SND1: variants seen among roughly 807,000 people sequenced by gnomAD.
The protein encoded by SND1 is staphylococcal nuclease and tudor domain containing 1.
In SND1, 38 loss-of-function variants were observed where a neutral mutation model predicts 121.7. The observed-to-expected ratio is 0.31, with a 90% CI of 0.24 to 0.41. The LOEUF (loss-of-function observed/expected upper bound fraction) is 0.41. SND1 is among the 10% of genes least tolerant of loss of function. SND1 has a pLI of 1.00. For synonymous variants in SND1, 401 were observed against 447.4 expected, an observed-to-expected ratio of 0.90 and a Z score of 1.31; for missense variants, 868 against 1,184.6, an observed-to-expected ratio of 0.73 and a Z score of 3.92.
chr7:127,963,551 A>G (rs1445222611), intron 15 of SND1, among the ~76,000 whole-genome samples: 6 of 67,734 alleles, frequency 8.9e-5, no homozygotes, highest in Non-Finnish European at 1.4e-4. Context: ...ATGGTTTCCA[A>G]TTTCATCCAT....
rs76698990 is a variant in SND1, at chr7:127,657,211, C to A, written c.78+4760C>A. ...AGAATTTAAAAAGTAGATCAAATTT[C>A]TATCCTTATGGCTTATGGAGGAGTC... is the stretch of plus-strand genomic sequence containing the variant. On this transcript the variant is annotated intron_variant, in intron 1 of 23. Transcript: ENST00000354725. Among the ~76,000 whole-genome samples the A allele has an allele frequency of 5.9e-3, 892 of 152,328 alleles. 15 individuals are homozygous for A. Among genetic ancestry groups the A allele is most frequent in the African/African-American group, 0.02 (849 of 41,560 alleles).
chr7:127,793,686 CTG>C (rs1355158305), intron 10 of SND1, among the ~76,000 whole-genome samples: 1 of 152,134 alleles, frequency 6.6e-6, no homozygotes, highest in African/African-American at 2.4e-5. Flanking sequence ...GGATATAAAA[CTG>C]TGTTCTCACA....
chr7:127,898,626 T>A (rs1411990990), intron 13 of SND1, among the ~76,000 whole-genome samples: 1 of 152,168 alleles, frequency 6.6e-6, no homozygotes, highest in Non-Finnish European at 1.5e-5. Context: ...GTTTACCAAG[T>A]TTTTTACTCT....
intron 12 of SND1, among the ~76,000 whole-genome samples, chr7:127,846,046 G>A (rs1584614049): frequency 6.6e-6 from 1 of 152,146 alleles, no homozygotes; most frequent in Non-Finnish European, 1.5e-5. Flanking sequence ...CTGCAAATGT[G>A]GGGTAGCTGT....
chr7:127,964,687 G>A (rs922199328), intron 15 of SND1, among the ~76,000 whole-genome samples: 20 of 150,820 alleles, frequency 1.3e-4, no homozygotes, highest in Non-Finnish European at 2.2e-4. Flanking sequence ...GTCAGGTAGC[G>A]TGATGCCTCC....
chr7:128,012,165 T>C (rs1161342490), intron 16 of SND1, among the ~76,000 whole-genome samples: 1 of 152,148 alleles, frequency 6.6e-6, no homozygotes, highest in African/African-American at 2.4e-5. Flanking sequence ...AAGCCTGATT[T>C]TTCTGGATAA....
At chr7:127,979,400 TC>T (rs1334235662) in intron 15 of SND1, among the ~76,000 whole-genome samples, 2 of 152,198 alleles carry the variant, frequency 1.3e-5, no homozygotes, top group East Asian at 3.9e-4. Flanking sequence ...CTGTGTCGTT[TC>T]CCTATCGGCT....
chr7:127,764,037 G>A lies in SND1; in HGVS notation c.1152+42637G>A, dbSNP rs202031711. On this transcript the variant is annotated intron_variant, in intron 10 of 23. Transcript: ENST00000354725. The stretch of plus-strand genomic sequence containing the variant: ...TGGGGTGACAGAGCAAGACCCTGTC[G>A]CAAAAAAAAAAAAAACAAAAAAACA... Among the ~76,000 whole-genome samples, 108 of 40,196 alleles carry A rather than the reference G, an allele frequency of 2.7e-3. 2 individuals carry two copies. In the East Asian group the frequency reaches 0.028, roughly 10 times the overall value. The allele number at this position is 40,196 out of a possible 152,430, so 26.4% of individuals were successfully genotyped here.
At chr7:128,023,513 C>T (rs1159629611) in intron 16 of SND1, among the ~76,000 whole-genome samples, 1 of 152,212 alleles carries the variant, frequency 6.6e-6, no homozygotes, top group Non-Finnish European at 1.5e-5. Context: ...TGGCTCACCA[C>T]AAGGAAAGGT....
At chr7:128,030,925 G>A in intron 16 of SND1, 1 of 331,940 alleles carries the variant, frequency 3.0e-6, no homozygotes, top group Non-Finnish European at 5.6e-6. Flanking sequence ...CGGAAGGAAG[G>A]CAGGAAAGCA....
At chr7:127,971,270 A>G (rs960187976) in intron 15 of SND1, among the ~76,000 whole-genome samples, 2 of 152,244 alleles carry the variant, frequency 1.3e-5, no homozygotes, top group Non-Finnish European at 2.9e-5. Context: ...AATGCCAGAT[A>G]GATGAAGAAA....
At chr7:127,863,613 C>T (rs1799417611) in intron 12 of SND1, among the ~76,000 whole-genome samples, 1 of 152,114 alleles carries the variant, frequency 6.6e-6, no homozygotes, top group Non-Finnish European at 1.5e-5. Flanking sequence ...CTTTTTTTTA[C>T]ACAGATACAG....
chr7:127,703,389 G>A, intron 7 of SND1, 66 bp downstream of exon 7: 4 of 1,549,420 alleles, frequency 2.6e-6, no homozygotes, highest in Non-Finnish European at 8.8e-7. Flanking sequence ...GAAGAATAGG[G>A]GTTTGCTTCT....
At chr7:127,837,792 T>C (rs1047535445) in intron 11 of SND1, among the ~76,000 whole-genome samples, 1 of 152,234 alleles carries the variant, frequency 6.6e-6, no homozygotes, top group African/African-American at 2.4e-5. Flanking sequence ...ATTATGTAAA[T>C]ATTAAGGAGC....
chr7:127,784,929 T>C (rs1797784893), intron 10 of SND1, among the ~76,000 whole-genome samples: 1 of 152,210 alleles, frequency 6.6e-6, no homozygotes, highest in African/African-American at 2.4e-5. Context: ...TGTTTTGTTT[T>C]GTTTTTTGAG....
At chr7:127,875,625 A>G (rs1472632465) in intron 12 of SND1, among the ~76,000 whole-genome samples, 1 of 152,184 alleles carries the variant, frequency 6.6e-6, no homozygotes. Flanking sequence ...CCACTTACAA[A>G]ATGATTACAT....
At chr7:127,777,088 A>C (rs1319222886) in intron 10 of SND1, among the ~76,000 whole-genome samples, 1 of 152,184 alleles carries the variant, frequency 6.6e-6, no homozygotes, top group African/African-American at 2.4e-5. Flanking sequence ...ACAAATAGTG[A>C]ATTTTATAAC....
intron 21 of SND1, among the ~76,000 whole-genome samples, chr7:128,087,669 G>T (rs1038466581): frequency 6.6e-6 from 1 of 151,720 alleles, no homozygotes; most frequent in African/African-American, 2.4e-5. Flanking sequence ...CAGTTGGGGA[G>T]TGAGATGAGA....
chr7:127,786,674 C>A (rs1424417638), intron 10 of SND1, among the ~76,000 whole-genome samples: 1 of 152,044 alleles, frequency 6.6e-6, no homozygotes, highest in African/African-American at 2.4e-5. Context: ...GACGGAGTTT[C>A]GCTCTGTCGC....
Sources: allele counts gnomAD v4.1 joint callset (sites outside exome capture counted in the v4.1 genomes callset), GRCh38; gene constraint gnomAD v4.1.1; transcripts MANE v1.5; gene names NCBI Gene and HGNC (gene_info 2026-07-23, HGNC 2026-07-21).